Variants in HIP1 observed in about 807,000 individuals in gnomAD.
HIP1 encodes the protein huntingtin interacting protein 1, also known as huntingtin-interacting protein 1.
In HIP1, 65 loss-of-function variants were observed where a neutral mutation model predicts 147.6. The ratio of observed to expected loss-of-function variants is 0.44; its 90% confidence interval spans 0.36 to 0.54. The LOEUF is 0.54. Ranked by LOEUF, HIP1 falls within the 20% of genes least tolerant of loss-of-function variation. HIP1 has a pLI of 0.00. For missense variants in HIP1, 1,061 were observed against 1,299.6 expected, an observed-to-expected ratio of 0.82 and a Z score of 2.82; for synonymous variants, 479 against 504.0, an observed-to-expected ratio of 0.95 and a Z score of 0.67.
At chr7:75,734,185 G>A (rs1486302752) in intron 1 of HIP1, among the ~76,000 whole-genome samples, 2 of 151,906 alleles carry the variant, frequency 1.3e-5, no homozygotes, top group African/African-American at 4.8e-5. Context: ...GGCGAAGGTT[G>A]TAGTGAACCG....
At chr7:75,617,104 T>C (rs1280770605) in intron 1 of HIP1, among the ~76,000 whole-genome samples, 9 of 148,598 alleles carry the variant, frequency 6.1e-5, no homozygotes, top group Non-Finnish European at 1.3e-4. Flanking sequence ...GAGATGGAGT[T>C]TTGCTCTGTC....
Position 75,537,987 on chromosome 7 carries a change from T to C in HIP1, c.*185A>G. 1 of 641,116 alleles carries C rather than the reference T, an allele frequency of 1.6e-6. No individual in the cohort carries two copies. The highest frequency in any genetic ancestry group is 2.9e-6 in the Non-Finnish European group (1 of 347,466). The allele number at this position is 641,116 out of a possible 1,614,324, so 39.7% of individuals were successfully genotyped here. On this transcript the variant is annotated 3_prime_UTR_variant, in exon 31 of 31. Coordinates refer to ENST00000336926, the MANE Select transcript of HIP1 (RefSeq NM_005338.7). ...GGAAAAGAACAGAGATGACCATGGG[T>C]CCAAACAGAAAGGGTGTCGCTATGG...
At chr7:75,690,916 AG>A (rs1800430041) in intron 1 of HIP1, among the ~76,000 whole-genome samples, 1 of 152,162 alleles carries the variant, frequency 6.6e-6, no homozygotes, top group African/African-American at 2.4e-5. Context: ...TTCCACTCCT[AG>A]ATATGCATGT....
At chr7:75,548,862 T>G in intron 23 of HIP1, 29 bp downstream of exon 23, 3 of 1,505,022 alleles carry the variant, frequency 2.0e-6, no homozygotes, top group Non-Finnish European at 2.8e-6. Context: ...AAAGGCATCG[T>G]TTCAGGAGAT....
intron 1 of HIP1, among the ~76,000 whole-genome samples, chr7:75,628,538 G>A (rs981902959): frequency 6.1e-5 from 9 of 148,748 alleles, no homozygotes; most frequent in Non-Finnish European, 1.2e-4. Flanking sequence ...GACTGTAGTG[G>A]CACAATCTCG....
Position 75,568,157 on chromosome 7 carries a change from G to T in HIP1, c.803+42C>A. On this transcript the variant is annotated intron_variant, in intron 9 of 30. Transcript: ENST00000336926. This position sits in a 1 kb window ranked among gnomAD's most constrained non-coding sequence, Gnocchi z 4.1. ...TTGCATGGCTTAATGATTTTATAGC[G>T]CTCTTGAATTCACCTCCATTCCTGT... The T allele has an allele frequency of 1.4e-6, 2 of 1,379,970 alleles. No homozygotes were observed. The highest frequency in any genetic ancestry group is 2.1e-6 in the Non-Finnish European group (2 of 966,640). 85.5% of individuals were successfully genotyped at this position (1,379,970 alleles called of 1,614,324 possible). A position where few individuals can be genotyped will look rare whatever the true frequency, so the allele number is the denominator to read the frequency against.
intron 5 of HIP1, among the ~76,000 whole-genome samples, chr7:75,586,194 C>CT (rs1310443103): frequency 1.5e-4 from 23 of 150,872 alleles, no homozygotes; most frequent in African/African-American, 2.4e-4. Context: ...GTTACTCTTT[C>CT]TTTTTTTTGT....
At chr7:75,557,063 A>G (rs1256739366) in intron 16 of HIP1, among the ~76,000 whole-genome samples, 2 of 122,716 alleles carry the variant, frequency 1.6e-5, no homozygotes, top group East Asian at 2.0e-4. Context: ...TTTGAGACGG[A>G]GTCTCGCTGT....
chr7:75,534,372 C>T lies in HIP1; in HGVS notation c.*3800G>A. ...AATCTAAACTAGTCTCATTTAAACTCCTTGCTCAGATATAAAATAACCCTG... is the reference window on the plus strand; with the variant it reads ...AATCTAAACTAGTCTCATTTAAACTTCTTGCTCAGATATAAAATAACCCTG... On this transcript the variant is annotated 3_prime_UTR_variant, in exon 31 of 31. Coordinates refer to ENST00000336926, the MANE Select transcript of HIP1 (RefSeq NM_005338.7). The T allele has an allele frequency of 4.8e-6, 1 of 207,898 alleles. No homozygotes were observed. The highest frequency in any genetic ancestry group is 9.8e-6 in the Non-Finnish European group (1 of 101,998). The allele number at this position is 207,898 out of a possible 1,614,324, so 12.9% of individuals were successfully genotyped here. A position where few individuals can be genotyped will look rare whatever the true frequency, so the allele number is the denominator to read the frequency against.
Position 75,641,725 on chromosome 7 carries a change from G to A in HIP1, c.121-42478C>T, listed in dbSNP as rs118145431. Reference sequence around the variant, plus strand: ...TTGGTCAGGCTGATCTCGAACTCCCGACCTCAGCCTCCCAAAGTGCTGGGA... The same window carrying A: ...TTGGTCAGGCTGATCTCGAACTCCCAACCTCAGCCTCCCAAAGTGCTGGGA... On this transcript the variant is annotated intron_variant, in intron 1 of 30. Coordinates refer to ENST00000336926, the MANE Select transcript of HIP1 (RefSeq NM_005338.7). 1.2e-4 allele frequency among the ~76,000 whole-genome samples: 17 copies of A among 147,372 alleles called. No individual in the cohort carries two copies. The East Asian group carries it at 1.9e-3, about 16-fold the overall frequency.
intron 8 of HIP1, among the ~76,000 whole-genome samples, chr7:75,572,109 A>G (rs1437122071): frequency 6.6e-6 from 1 of 152,070 alleles, no homozygotes; most frequent in Admixed American, 6.6e-5. Flanking sequence ...CTGTGGTCCC[A>G]GCTACTTGGG....
chr7:75,550,247 G>A lies in HIP1; in HGVS notation c.2296-1246C>T, dbSNP rs12532457. ...TGGTTCAAAGGATAAGAATAAAGAC[G>A]CATGTTATCCACCACCCAACTTAAA... is the stretch of plus-strand genomic sequence containing the variant. On this transcript the variant is annotated intron_variant, in intron 22 of 30. Coordinates refer to ENST00000336926, the MANE Select transcript of HIP1 (RefSeq NM_005338.7). Among the ~76,000 whole-genome samples the A allele has an allele frequency of 5.2e-3, 798 of 152,176 alleles. 4 individuals are homozygous for A. The highest frequency in any genetic ancestry group is 0.014 in the Middle Eastern group (4 of 294).
chr7:75,554,584 C>A, intron 19 of HIP1, 58 bp from the exon 20 acceptor site: 1 of 1,307,916 alleles, frequency 7.6e-7, no homozygotes, highest in South Asian at 1.2e-5. Flanking sequence ...GCTTCATCCT[C>A]GTTAATTAAG....
rs34769081 is a variant in HIP1, at chr7:75,715,774, C to CAAAAAAAAAAAAAA, written c.120+23013_120+23026dup. Among the ~76,000 whole-genome samples, 44 of 36,714 alleles carry CAAAAAAAAAAAAAA rather than the reference C, an allele frequency of 1.2e-3. 2 individuals carry two copies. Among genetic ancestry groups the CAAAAAAAAAAAAAA allele is most frequent in the African/African-American group, 2.9e-3 (25 of 8,544 alleles). The allele number at this position is 36,714 out of a possible 152,430, so 24.1% of individuals were successfully genotyped here. A position where few individuals can be genotyped will look rare whatever the true frequency, so the allele number is the denominator to read the frequency against. On this transcript the variant is annotated intron_variant, in intron 1 of 30. Transcript: ENST00000336926. Reference sequence around the variant, plus strand: ...TAGGCAACAGAGTGAGATCCTGTCTCAAAAAAAAAAAAAAAAAAAAAAAAA... The same window carrying CAAAAAAAAAAAAAA: ...TAGGCAACAGAGTGAGATCCTGTCTCAAAAAAAAAAAAAAAAAAAAAAAAAAAAAAAAAAAAAAA...
intron 1 of HIP1, among the ~76,000 whole-genome samples, chr7:75,621,688 A>G (rs1278235644): frequency 1.3e-5 from 2 of 152,196 alleles, no homozygotes; most frequent in Non-Finnish European, 2.9e-5. Flanking sequence ...GCCTTCAATC[A>G]GGACAGAATT....
intron 1 of HIP1, among the ~76,000 whole-genome samples, chr7:75,677,360 C>T (rs376739492): frequency 6.6e-6 from 1 of 150,772 alleles, no homozygotes; most frequent in East Asian, 2.0e-4. Flanking sequence ...AATCCCAGCA[C>T]TATGGGAGGC....
chr7:75,583,240 AC>A (rs782794863), intron 5 of HIP1, among the ~76,000 whole-genome samples: 2 of 150,886 alleles, frequency 1.3e-5, no homozygotes, highest in African/African-American at 2.4e-5. Context: ...ACTTCCCCAC[AC>A]CCTGCCTGCC....
chr7:75,651,460 CAAAAAAAAAAAAAAAAA>C lies in HIP1; in HGVS notation c.121-52230_121-52214del, dbSNP rs1168846001. Among the ~76,000 whole-genome samples, 12 of 44,130 alleles carry C rather than the reference CAAAAAAAAAAAAAAAAA, an allele frequency of 2.7e-4. No homozygotes were observed. In the East Asian group the frequency reaches 6.8e-3, roughly 25 times the overall value. The allele number at this position is 44,130 out of a possible 152,430, so 29.0% of individuals were successfully genotyped here. A position where few individuals can be genotyped will look rare whatever the true frequency, so the allele number is the denominator to read the frequency against. On this transcript the variant is annotated intron_variant, in intron 1 of 30. Coordinates refer to ENST00000336926, the MANE Select transcript of HIP1 (RefSeq NM_005338.7). ...GGTTACAGAGTGAGACTCCATATCT[CAAAAAAAAAAAAAAAAA>C]AAAAAAAAAAAAAAGAAGGATTCTC...
chr7:75,713,648 G>T (rs1801223778), intron 1 of HIP1, among the ~76,000 whole-genome samples: 1 of 152,062 alleles, frequency 6.6e-6, no homozygotes, highest in Non-Finnish European at 1.5e-5. Context: ...AGGCCTGGTG[G>T]GGCAAGGGAA....
Sources: allele counts gnomAD v4.1 joint callset (sites outside exome capture counted in the v4.1 genomes callset), GRCh38; gene constraint gnomAD v4.1.1; non-coding constraint Gnocchi (gnomAD v3.1); transcripts MANE v1.5; gene names NCBI Gene and HGNC (gene_info 2026-07-23, HGNC 2026-07-21).